The following PTPRS variants were observed in gnomAD, a reference collection of about 807,000 sequenced individuals.
PTPRS encodes the protein receptor-type tyrosine-protein phosphatase S.
Under a neutral mutation model 215.3 loss-of-function variants are expected in PTPRS, and 63 were observed. The observed-to-expected ratio is 0.29, with a 90% CI of 0.24 to 0.36. The LOEUF (loss-of-function observed/expected upper bound fraction) is 0.36. Among genes scored for constraint, PTPRS ranks in the 10% least tolerant of loss-of-function variants. PTPRS has a pLI of 1.00. For synonymous variants in PTPRS, 1,404 were observed against 1,191.4 expected (o/e 1.18, Z -3.68); for missense variants, 2,258 against 2,825.8 (o/e 0.80, Z 4.56).
intron 1 of PTPRS, among the ~76,000 whole-genome samples, chr19:5,288,154 G>A (rs1162084925): frequency 6.6e-6 from 1 of 152,102 alleles, no homozygotes; most frequent in Non-Finnish European, 1.5e-5. Flanking sequence ...TGGGTTACAG[G>A]GAACTGCAAA....
chr19:5,322,607 G>A (rs973760758), intron 1 of PTPRS, among the ~76,000 whole-genome samples: 4 of 152,106 alleles, frequency 2.6e-5, no homozygotes, highest in African/African-American at 7.2e-5. Context: ...GCGGCCGGGC[G>A]CGGTGCTCAT....
chr19:5,268,923 G>A (rs551854956), intron 4 of PTPRS, among the ~76,000 whole-genome samples: 11 of 152,324 alleles, frequency 7.2e-5, no homozygotes, highest in Non-Finnish European at 1.3e-4. Context: ...GCTGGATGCC[G>A]TCTGAGGCAG....
At chr19:5,213,375 C>G (rs2145097404) in intron 30 of PTPRS, among the ~76,000 whole-genome samples, 1 of 152,364 alleles carries the variant, frequency 6.6e-6, no homozygotes, top group East Asian at 1.9e-4. Flanking sequence ...AGGCACGGTC[C>G]TGCCCCAGGG....
chr19:5,246,640 T>C (rs1395785578), intron 9 of PTPRS, among the ~76,000 whole-genome samples: 1 of 152,144 alleles, frequency 6.6e-6, no homozygotes, highest in Non-Finnish European at 1.5e-5. Flanking sequence ...GTGGCGGTCA[T>C]AGGACACTTG....
chr19:5,296,534 GGAGA>G (rs1254857606), intron 1 of PTPRS, among the ~76,000 whole-genome samples: 2 of 151,966 alleles, frequency 1.3e-5, no homozygotes, highest in African/African-American at 2.4e-5. Context: ...ACACAGGATA[GGAGA>G]GAGGGGAGGT....
chr19:5,229,675 G>C lies in PTPRS; in HGVS notation c.2165C>G (p.Ala722Gly). The change falls in exon 15 of 38, where the codon GCG (alanine) becomes GGG (glycine). Residue 722 changes from alanine to glycine, a missense_variant. Ala to Gly is a moderately conservative substitution (Grantham distance 60). Coordinates refer to ENST00000262963, the MANE Select transcript of PTPRS (RefSeq NM_002850.4). ...VVRTDEDVPS[A>G]PPRKVEAEAL... ...CTCCGCCTCCACCTTCCGCGGCGGC[G>C]CGCTGGGCACTGGCGGGCGGGAGGG... 7.9e-7 allele frequency: 1 copy of C among 1,269,106 alleles called. No individual in the cohort carries two copies. 78.6% of individuals were successfully genotyped at this position (1,269,106 alleles called of 1,614,324 possible). A position where few individuals can be genotyped will look rare whatever the true frequency, so the allele number is the denominator to read the frequency against.
Position 5,264,978 on chromosome 19 carries a change from T to G in PTPRS, c.568+30A>C, listed in dbSNP as rs370462447. On this transcript the variant is annotated intron_variant, in intron 5 of 37. Coordinates refer to ENST00000262963, the MANE Select transcript of PTPRS (RefSeq NM_002850.4). Reference sequence around the variant, plus strand: ...CCCACCCCCTGCTGCCCTCCAAGGCTCCCACGTCCTGTCAGCCACCCTCAC... The same window carrying G: ...CCCACCCCCTGCTGCCCTCCAAGGCGCCCACGTCCTGTCAGCCACCCTCAC... 5 of 1,611,430 alleles carry G rather than the reference T, an allele frequency of 3.1e-6. No individual in the cohort carries two copies. In the African/African-American group the frequency reaches 6.7e-5, roughly 22 times the overall value.
chr19:5,229,825 G>C (rs956997415), intron 14 of PTPRS, 141 bp from the exon 15 acceptor site: 1 of 500,006 alleles, frequency 2.0e-6, no homozygotes. Flanking sequence ...GCTCACCACC[G>C]GGCGGGAGGA....
intron 6 of PTPRS, 94 bp downstream of exon 6, chr19:5,262,870 C>T (rs567670292): frequency 3.8e-5 from 50 of 1,333,148 alleles, no homozygotes; most frequent in East Asian, 2.5e-5. Context: ...GTTACCATCA[C>T]GGTGGCTGTT....
intron 25 of PTPRS, among the ~76,000 whole-genome samples, chr19:5,217,442 T>C (rs2041582228): frequency 6.6e-6 from 1 of 152,142 alleles, no homozygotes; most frequent in Non-Finnish European, 1.5e-5. Flanking sequence ...CATGAGGCCC[T>C]GCATGATCCC....
chr19:5,255,529 G>GA (rs1160025077), intron 9 of PTPRS, among the ~76,000 whole-genome samples: 1 of 144,440 alleles, frequency 6.9e-6, no homozygotes, highest in South Asian at 2.2e-4. Flanking sequence ...AATGGGAGGG[G>GA]AAAAAAGAAC....
intron 18 of PTPRS, 83 bp from the exon 19 acceptor site, chr19:5,222,303 G>T: frequency 8.4e-7 from 1 of 1,193,514 alleles, no homozygotes; most frequent in African/African-American, 1.5e-5. Context: ...AAGCGGGGTG[G>T]GGTGGGGCGG....
chr19:5,228,516 GTAT>G (rs1426183464), intron 16 of PTPRS, among the ~76,000 whole-genome samples: 10 of 151,836 alleles, frequency 6.6e-5, no homozygotes, highest in Admixed American at 6.6e-4. Context: ...AGGCTGTTTC[GTAT>G]TATTAGTAGA....
At chr19:5,247,065 G>A (rs1353183838) in intron 9 of PTPRS, among the ~76,000 whole-genome samples, 1 of 151,654 alleles carries the variant, frequency 6.6e-6, no homozygotes, top group Non-Finnish European at 1.5e-5. Context: ...ACAGAGAGCG[G>A]GAGGGGCAGA....
chr19:5,321,115 AC>A (rs1465970114), intron 1 of PTPRS, among the ~76,000 whole-genome samples: 1 of 152,008 alleles, frequency 6.6e-6, no homozygotes, highest in Non-Finnish European at 1.5e-5. Context: ...TTAAACAACA[AC>A]AAAAAAATTA....
intron 2 of PTPRS, among the ~76,000 whole-genome samples, chr19:5,281,261 G>C (rs1474711527): frequency 6.6e-6 from 1 of 151,656 alleles, no homozygotes; most frequent in African/African-American, 2.4e-5. Context: ...AGGAGTTCGA[G>C]ACCAGCTTGA....
At chr19:5,322,080 C>T (rs990365598) in intron 1 of PTPRS, among the ~76,000 whole-genome samples, 4 of 152,176 alleles carry the variant, frequency 2.6e-5, no homozygotes, top group African/African-American at 7.2e-5. Flanking sequence ...GTCACACAGC[C>T]GGCAAGAGGC....
In PTPRS at chr19:5,215,613, C is replaced by T. The variant is rs942052697; in HGVS notation, c.4097-18G>A. 3 of 1,574,528 alleles carry T rather than the reference C, an allele frequency of 1.9e-6. No individual in the cohort carries two copies. The highest frequency in any genetic ancestry group is 2.6e-6 in the Non-Finnish European group (3 of 1,156,920). Reference sequence around the variant, plus strand: ...AAGCATGCCTACAGGGTGGAGCAGACCCCGCCGGGGTTGGTCACTTGGGGG... The same window carrying T: ...AAGCATGCCTACAGGGTGGAGCAGATCCCGCCGGGGTTGGTCACTTGGGGG... On this transcript the variant is annotated intron_variant, in intron 26 of 37. Coordinates refer to ENST00000262963, the MANE Select transcript of PTPRS (RefSeq NM_002850.4).
In PTPRS at chr19:5,290,837, G is replaced by A. The variant is rs540825262; in HGVS notation, c.-94-4603C>T. 1.7e-3 allele frequency among the ~76,000 whole-genome samples: 256 copies of A among 151,920 alleles called. 1 individual carries two copies. The highest frequency in any genetic ancestry group is 5.8e-3 in the African/African-American group (242 of 41,440). On this transcript the variant is annotated intron_variant, in intron 1 of 37. Coordinates refer to ENST00000262963, the MANE Select transcript of PTPRS (RefSeq NM_002850.4). The stretch of plus-strand genomic sequence containing the variant: ...CCACCCACAGCTCTCCCGTGCCACC[G>A]CCTGGAACGTCATTTCCAGGACTGG...
Sources: allele counts gnomAD v4.1 joint callset (sites outside exome capture counted in the v4.1 genomes callset), GRCh38; gene constraint gnomAD v4.1.1; transcripts MANE v1.5; gene names NCBI Gene and HGNC (gene_info 2026-07-23, HGNC 2026-07-21).